The following DCAF10 variants were observed in gnomAD, a reference collection of about 807,000 sequenced individuals.
DCAF10 encodes DDB1- and CUL4-associated factor 10.
In DCAF10, 19 loss-of-function variants were observed where a neutral mutation model predicts 51.9. That is an observed-to-expected ratio of 0.37 (90% CI 0.26 to 0.54). DCAF10 has a LOEUF of 0.54. Among genes scored for constraint, DCAF10 ranks in the 20% least tolerant of loss-of-function variants. DCAF10 has a pLI of 0.87. For synonymous variants in DCAF10, 291 were observed against 297.1 expected (o/e 0.98, Z 0.21); for missense variants, 510 against 730.6 (o/e 0.70, Z 3.48).
chr9:37,856,638 A>G (rs1830857759), intron 4 of DCAF10, among the ~76,000 whole-genome samples: 2 of 152,164 alleles, frequency 1.3e-5, no homozygotes. Context: ...TGTAAACTTT[A>G]TGTCACATTT....
At chr9:37,832,152 A>G (rs1830027263) in intron 2 of DCAF10, 2 of 62,648 alleles carry the variant, frequency 3.2e-5, no homozygotes, top group African/African-American at 1.0e-4. Context: ...CTAAAAAAAA[A>G]TAATAATAAT....
intron 2 of DCAF10, among the ~76,000 whole-genome samples, chr9:37,840,314 C>T (rs1009556191): frequency 6.6e-6 from 1 of 152,060 alleles, no homozygotes; most frequent in South Asian, 2.1e-4. Context: ...AGGAGGTATT[C>T]CAGGAGAAGC....
At chr9:37,811,059 G>A (rs1357891063) in intron 1 of DCAF10, among the ~76,000 whole-genome samples, 4 of 152,076 alleles carry the variant, frequency 2.6e-5, no homozygotes, top group Non-Finnish European at 4.4e-5. Flanking sequence ...GCTGAGTGCC[G>A]TGGCTTACAC....
At chr9:37,851,266 C>T (rs1830642354) in intron 3 of DCAF10, among the ~76,000 whole-genome samples, 2 of 151,914 alleles carry the variant, frequency 1.3e-5, no homozygotes, top group East Asian at 4.0e-4. Context: ...TACTACCACC[C>T]TGTCCTCCTG....
Position 37,801,346 on chromosome 9 carries a change from G to T in DCAF10, c.480G>T (p.Ser160=), listed in dbSNP as rs1427389943. 1.3e-6 allele frequency: 2 copies of T among 1,578,594 alleles called. No individual in the cohort carries two copies. Among genetic ancestry groups the T allele is most frequent in the Admixed American group, 1.8e-5 (1 of 55,966 alleles). ...ACGGTTCCATCCACCCCGCGGACTC[G>T]GTGTACCTCAGCACCCGCACCCACG... ...SLYGSIHPAD[S]VYLSTRTHGA... The change falls in exon 1 of 7, where the codon TCG becomes TCT. Residue 160 remains serine (S), a synonymous_variant. Transcript: ENST00000377724. The surrounding 1 kb of genome is among the most constrained non-coding windows in gnomAD (Gnocchi z 5.5).
In DCAF10 at chr9:37,865,103, C is replaced by T. The variant is rs1831110427; in HGVS notation, c.*3595C>T. 6.6e-6 allele frequency: 1 copy of T among 151,354 alleles called. No individual in the cohort carries two copies. The highest frequency in any genetic ancestry group is 6.6e-5 in the Admixed American group (1 of 15,172). 9.4% of individuals were successfully genotyped at this position (151,354 alleles called of 1,614,324 possible). ...TTTTTTTTTTTAATTATAGAGCTAGCTTACCGTGTGTATCATGTAAAAAAA... is the reference window on the plus strand; with the variant it reads ...TTTTTTTTTTTAATTATAGAGCTAGTTTACCGTGTGTATCATGTAAAAAAA... On this transcript the variant is annotated 3_prime_UTR_variant, in exon 7 of 7. Coordinates refer to ENST00000377724, the MANE Select transcript of DCAF10 (RefSeq NM_024345.5).
intron 3 of DCAF10, among the ~76,000 whole-genome samples, chr9:37,844,012 A>G (rs1228675787): frequency 2.0e-5 from 3 of 152,254 alleles, no homozygotes; most frequent in Non-Finnish European, 2.9e-5. Flanking sequence ...CATTAATAGC[A>G]AACAAAATAA....
intron 2 of DCAF10, among the ~76,000 whole-genome samples, chr9:37,828,153 G>A (rs1385310530): frequency 6.6e-6 from 1 of 152,124 alleles, no homozygotes; most frequent in African/African-American, 2.4e-5. Context: ...CTCCCTAAGT[G>A]CTGAAATTAC....
At chr9:37,803,044 A>T (rs1829006089) in intron 1 of DCAF10, among the ~76,000 whole-genome samples, 1 of 152,180 alleles carries the variant, frequency 6.6e-6, no homozygotes, top group African/African-American at 2.4e-5. Flanking sequence ...AGAATAAGGG[A>T]TATATTGCTT....
intron 4 of DCAF10, among the ~76,000 whole-genome samples, chr9:37,855,982 C>T (rs1040766465): frequency 1.3e-5 from 2 of 152,012 alleles, no homozygotes; most frequent in Non-Finnish European, 2.9e-5. Context: ...GAAACCCTGT[C>T]TCTACGAAAA....
In DCAF10 at chr9:37,862,393, T is replaced by A. The variant is rs972154514; in HGVS notation, c.*885T>A. On this transcript the variant is annotated 3_prime_UTR_variant, in exon 7 of 7. Transcript: ENST00000377724. Reference sequence around the variant, plus strand: ...AGTGATAAGAACAATATGACTTAGATTTTCTGTATTTCATCTGCCAGATTA... The same window carrying A: ...AGTGATAAGAACAATATGACTTAGAATTTCTGTATTTCATCTGCCAGATTA... 2 of 152,362 alleles carry A rather than the reference T, an allele frequency of 1.3e-5. No individual in the cohort carries two copies. The highest frequency in any genetic ancestry group is 3.4e-3 in the Middle Eastern group (1 of 294). The allele number at this position is 152,362 out of a possible 1,614,324, so 9.4% of individuals were successfully genotyped here.
intron 1 of DCAF10, among the ~76,000 whole-genome samples, chr9:37,806,428 A>C (rs872775): frequency 0.18 from 28,016 of 152,066 alleles, 2,884 homozygotes; most frequent in African/African-American, 0.27. Flanking sequence ...GTGCCTGGCA[A>C]CCTCCAACAC....
chr9:37,854,669 A>G, intron 3 of DCAF10, 111 bp from the exon 4 acceptor site: 1 of 972,260 alleles, frequency 1.0e-6, no homozygotes, highest in Non-Finnish European at 1.5e-6. Context: ...CCATTGACCA[A>G]GCTCTTCTCA....
chr9:37,853,411 C>T (rs1159972424), intron 3 of DCAF10, among the ~76,000 whole-genome samples: 1 of 19,534 alleles, frequency 5.1e-5, no homozygotes, highest in South Asian at 2.5e-3. Flanking sequence ...AAAACTCCAT[C>T]TCAAAAAAAA....
At chr9:37,804,673 G>C (rs1471220756) in intron 1 of DCAF10, among the ~76,000 whole-genome samples, 2 of 151,976 alleles carry the variant, frequency 1.3e-5, no homozygotes, top group Non-Finnish European at 2.9e-5. Flanking sequence ...CTACTCAGGA[G>C]GCTGAGGCAG....
intron 3 of DCAF10, among the ~76,000 whole-genome samples, chr9:37,853,383 A>G (rs1830747477): frequency 7.0e-6 from 1 of 143,468 alleles, no homozygotes; most frequent in Admixed American, 7.2e-5. Context: ...ATTGCACTCC[A>G]GCCTGGGCGA....
rs1831145671 is a variant in DCAF10, at chr9:37,866,809, C to T, written c.*5301C>T. On this transcript the variant is annotated 3_prime_UTR_variant, in exon 7 of 7. Transcript: ENST00000377724. ...GGATGCTGCTAGACTAAGGAATAAACAGCAAGGTACCAAAGTACAGCAAAG... is the reference window on the plus strand; with the variant it reads ...GGATGCTGCTAGACTAAGGAATAAATAGCAAGGTACCAAAGTACAGCAAAG... The T allele has an allele frequency of 6.6e-6, 1 of 152,546 alleles. No individual in the cohort carries two copies. The highest frequency in any genetic ancestry group is 1.5e-5 in the Non-Finnish European group (1 of 68,022). 9.4% of individuals were successfully genotyped at this position (152,546 alleles called of 1,614,324 possible).
At chr9:37,852,604 G>GAC (rs1356262344) in intron 3 of DCAF10, among the ~76,000 whole-genome samples, 1 of 151,806 alleles carries the variant, frequency 6.6e-6, no homozygotes, top group Non-Finnish European at 1.5e-5. Flanking sequence ...TCTCTTAAAA[G>GAC]AGTGAAATAA....
chr9:37,863,444 G>A lies in DCAF10; in HGVS notation c.*1936G>A, dbSNP rs1002789948. On this transcript the variant is annotated 3_prime_UTR_variant, in exon 7 of 7. Coordinates refer to ENST00000377724, the MANE Select transcript of DCAF10 (RefSeq NM_024345.5). ...GTAAATGAAAGCAATTTTAGAGGTG[G>A]AAAATACCTTAGAATGGAATCATTT... 1 of 151,940 alleles carries A rather than the reference G, an allele frequency of 6.6e-6. No homozygotes were observed. The highest frequency in any genetic ancestry group is 6.6e-5 in the Admixed American group (1 of 15,236). 9.4% of individuals were successfully genotyped at this position (151,940 alleles called of 1,614,324 possible).
Sources: gnomAD v4.1 joint callset for allele counts (sites outside exome capture counted in the v4.1 genomes callset) on GRCh38, gnomAD v4.1.1 for gene constraint, Gnocchi (gnomAD v3.1) non-coding constraint, MANE v1.5 for transcripts, NCBI Gene and HGNC (gene_info 2026-07-23, HGNC 2026-07-21) for gene names.